DLG1: variants seen among roughly 807,000 people sequenced by gnomAD.
DLG1 encodes the protein disks large homolog 1.
A neutral mutation model predicts 123.4 loss-of-function variants in DLG1; 42 were observed. That is an observed-to-expected ratio of 0.34 (90% CI 0.27 to 0.44). The LOEUF (loss-of-function observed/expected upper bound fraction) is 0.44. Ranked by LOEUF, DLG1 falls within the 20% of genes least tolerant of loss-of-function variation. The pLI is 1.00. For synonymous variants in DLG1, 317 were observed against 356.2 expected, an observed-to-expected ratio of 0.89 and a Z score of 1.24; for missense variants, 942 against 1,082.6, an observed-to-expected ratio of 0.87 and a Z score of 1.82.
chr3:197,213,365 T>C (rs1732262559), intron 4 of DLG1, among the ~76,000 whole-genome samples: 1 of 152,146 alleles, frequency 6.6e-6, no homozygotes, highest in Non-Finnish European at 1.5e-5. Flanking sequence ...TGTAAAATAA[T>C]TTATCGTGAG....
At position 197,044,633 on chromosome 3, in the gene DLG1, T is replaced by C; in HGVS notation, c.2672A>G (p.Glu891Gly). ...GAGAAACATGAGTTTTCATAGCTTTTCTTTTGCCGGAACCCAGATGTAAGA... is the reference window on the plus strand; with the variant it reads ...GAGAAACATGAGTTTTCATAGCTTTCCTTTTGCCGGAACCCAGATGTAAGA... Reference protein sequence around the residue: ...SGSYIWVPAKEKL With the variant: ...SGSYIWVPAKGKL The change falls in exon 25 of 25, where the codon GAA (glutamate) becomes GGA (glycine). Residue 891 changes from glutamate (E) to glycine (G), a missense_variant. Coordinates refer to ENST00000667157, the MANE Select transcript of DLG1 (RefSeq NM_001366207.1). The C allele has an allele frequency of 1.2e-6, 2 of 1,603,436 alleles. No individual in the cohort carries two copies. The highest frequency in any genetic ancestry group is 1.1e-5 in the South Asian group (1 of 89,468).
intron 6 of DLG1, among the ~76,000 whole-genome samples, chr3:197,145,833 A>G (rs894635352): frequency 7.0e-6 from 1 of 143,580 alleles, no homozygotes; most frequent in Non-Finnish European, 1.5e-5. Flanking sequence ...GTGGTGGTGC[A>G]CGTCTTTAAT....
chr3:197,289,302 T>G (rs1213343039), intron 3 of DLG1, among the ~76,000 whole-genome samples: 1 of 151,850 alleles, frequency 6.6e-6, no homozygotes, highest in Non-Finnish European at 1.5e-5. Context: ...AAGTTTGTTT[T>G]GCAAAATGAA....
At chr3:197,057,964 A>G (rs1043875138) in intron 23 of DLG1, among the ~76,000 whole-genome samples, 32 of 151,638 alleles carry the variant, frequency 2.1e-4, no homozygotes, top group African/African-American at 7.3e-4. Flanking sequence ...TTTATTTTTA[A>G]ATTTTTAAAT....
chr3:197,114,600 GC>G (rs1214464008), intron 13 of DLG1, among the ~76,000 whole-genome samples: 2 of 152,228 alleles, frequency 1.3e-5, no homozygotes, highest in African/African-American at 4.8e-5. Context: ...ACACTAAGGT[GC>G]ATTTAGATAT....
chr3:197,172,799 T>C (rs912411561), intron 5 of DLG1, among the ~76,000 whole-genome samples: 1 of 152,254 alleles, frequency 6.6e-6, no homozygotes, highest in African/African-American at 2.4e-5. Context: ...GCCAGTTTCA[T>C]GTTGTTCTCT....
At chr3:197,207,030 C>T (rs1728886462) in intron 4 of DLG1, among the ~76,000 whole-genome samples, 1 of 152,344 alleles carries the variant, frequency 6.6e-6, no homozygotes, top group Admixed American at 6.5e-5. Context: ...CACAGCCACA[C>T]TCATTCTCAT....
chr3:197,115,043 A>G (rs1318056168), intron 13 of DLG1, among the ~76,000 whole-genome samples: 2 of 151,804 alleles, frequency 1.3e-5, no homozygotes, highest in South Asian at 2.1e-4. Context: ...AGACAGTCCT[A>G]TACAACAAAT....
At position 197,067,648 on chromosome 3, in the gene DLG1, C is replaced by A. The variant is rs572552652; in HGVS notation, c.2048-894G>T. ...TCTCAGCTCACTGCAGCCTCCAACT[C>A]CCGGGTTCAAGCGGTTCTCCTGCCT... On this transcript the variant is annotated intron_variant, in intron 19 of 24. Transcript: ENST00000667157. 6.2e-5 allele frequency among the ~76,000 whole-genome samples: 9 copies of A among 145,308 alleles called. No homozygotes were observed. The East Asian group carries it at 1.8e-3, about 29-fold the overall frequency.
chr3:197,268,570 G>A (rs1395693348), intron 4 of DLG1, among the ~76,000 whole-genome samples: 1 of 151,828 alleles, frequency 6.6e-6, no homozygotes, highest in Non-Finnish European at 1.5e-5. Flanking sequence ...CAGGCATGAA[G>A]GCACCAACCA....
intron 5 of DLG1, among the ~76,000 whole-genome samples, chr3:197,169,088 AAGC>A (rs1561203013): frequency 1.3e-5 from 2 of 152,194 alleles, no homozygotes; most frequent in Admixed American, 6.5e-5. Flanking sequence ...AAAATTATAA[AAGC>A]AGCACTTAAA....
intron 22 of DLG1, among the ~76,000 whole-genome samples, chr3:197,063,819 C>T (rs916576510): frequency 6.6e-6 from 1 of 152,126 alleles, no homozygotes; most frequent in East Asian, 1.9e-4. Flanking sequence ...TGCATTTCCA[C>T]CAGCAATGCA....
intron 3 of DLG1, among the ~76,000 whole-genome samples, chr3:197,289,171 C>T (rs1237816952): frequency 2.0e-5 from 3 of 152,164 alleles, no homozygotes; most frequent in African/African-American, 7.2e-5. Flanking sequence ...CTGTAATTAA[C>T]AAGAGCTAGT....
At chr3:197,203,384 A>T (rs1195698606) in intron 4 of DLG1, among the ~76,000 whole-genome samples, 1 of 152,202 alleles carries the variant, frequency 6.6e-6, no homozygotes, top group African/African-American at 2.4e-5. Context: ...CAGTATCTCC[A>T]TTCGAAAACT....
intron 5 of DLG1, 90 bp from the exon 6 acceptor site, chr3:197,149,886 A>G: frequency 1.3e-6 from 1 of 769,360 alleles, no homozygotes; most frequent in Non-Finnish European, 2.3e-6. Context: ...AAGACTTGCT[A>G]TTTCTTAAGT....
intron 5 of DLG1, among the ~76,000 whole-genome samples, chr3:197,160,507 G>C (rs1405658862): frequency 6.6e-6 from 1 of 151,834 alleles, no homozygotes; most frequent in Non-Finnish European, 1.5e-5. Context: ...GCAATATAGA[G>C]AGAATATCCA....
In DLG1 at chr3:197,286,562, G is replaced by A. The variant is rs191100905; in HGVS notation, c.152-3717C>T. On this transcript the variant is annotated intron_variant, in intron 3 of 24. Coordinates refer to ENST00000667157, the MANE Select transcript of DLG1 (RefSeq NM_001366207.1). ...GCTCAGGTACAGGTCTGTGGCACGG[G>A]AGTTGGGGACCCCTGCTGTACAATA... Among the ~76,000 whole-genome samples, 92 of 152,288 alleles carry A rather than the reference G, an allele frequency of 6.0e-4. 1 individual carries two copies. Among genetic ancestry groups the A allele is most frequent in the African/African-American group, 2.1e-3 (89 of 41,558 alleles).
chr3:197,272,775 A>C (rs762821647), intron 4 of DLG1, among the ~76,000 whole-genome samples: 1 of 152,240 alleles, frequency 6.6e-6, no homozygotes, highest in Non-Finnish European at 1.5e-5. Flanking sequence ...TATGCAATTT[A>C]AAAGAACGCA....
chr3:197,280,066 C>T lies in DLG1; in HGVS notation c.318+2613G>A, dbSNP rs557670035. ...TGTTAACGGTAGTCACCCTACTGTG[C>T]TACTGAACAGTAGAATGTATTCCTT... On this transcript the variant is annotated intron_variant, in intron 4 of 24. Transcript: ENST00000667157. Among the ~76,000 whole-genome samples, 173 of 152,114 alleles carry T rather than the reference C, an allele frequency of 1.1e-3. 3 individuals are homozygous for T. Among genetic ancestry groups the T allele is most frequent in the Non-Finnish European group, 1.0e-3 (68 of 67,996 alleles).
Sources: gnomAD v4.1 joint callset for allele counts (sites outside exome capture counted in the v4.1 genomes callset) on GRCh38, gnomAD v4.1.1 for gene constraint, MANE v1.5 for transcripts, NCBI Gene and HGNC (gene_info 2026-07-23, HGNC 2026-07-21) for gene names.